Variants in LRMDA observed in about 807,000 individuals in gnomAD.
LRMDA encodes the protein leucine rich melanocyte differentiation associated.
A neutral mutation model predicts 29.8 loss-of-function variants in LRMDA; 18 were observed. The observed-to-expected ratio is 0.60, with a 90% CI of 0.42 to 0.90. The LOEUF (loss-of-function observed/expected upper bound fraction) is 0.90. Among genes scored for constraint, LRMDA ranks in the 40% least tolerant of loss-of-function variants. LRMDA has a pLI of 0.00. For synonymous variants in LRMDA, 125 were observed against 109.4 expected (o/e 1.14, Z -0.89); for missense variants, 273 against 273.9 (o/e 1.00, Z 0.02).
intron 2 of LRMDA, among the ~76,000 whole-genome samples, chr10:75,641,289 CTCCTT>C (rs1841449858): frequency 6.6e-6 from 1 of 152,066 alleles, no homozygotes; most frequent in East Asian, 1.9e-4. Flanking sequence ...GCCATCGGTC[CTCCTT>C]TGCTCTACTA....
chr10:76,340,694 A>G (rs910066064), intron 6 of LRMDA, among the ~76,000 whole-genome samples: 2 of 152,034 alleles, frequency 1.3e-5, no homozygotes, highest in Non-Finnish European at 2.9e-5. Flanking sequence ...AAAAATTTCC[A>G]TCAAAGTCTC....
At chr10:76,210,244 T>C (rs1851611697) in intron 5 of LRMDA, among the ~76,000 whole-genome samples, 1 of 152,164 alleles carries the variant, frequency 6.6e-6, no homozygotes, top group African/African-American at 2.4e-5. Flanking sequence ...ATACCATGGT[T>C]TCAAGCCCTG....
intron 5 of LRMDA, among the ~76,000 whole-genome samples, chr10:76,205,429 A>C (rs1433434854): frequency 2.0e-5 from 3 of 152,228 alleles, no homozygotes; most frequent in Admixed American, 2.0e-4. Flanking sequence ...TTAATGGCTT[A>C]AAATGAAAGA....
At chr10:75,620,996 A>G (rs1318178673) in intron 2 of LRMDA, among the ~76,000 whole-genome samples, 1 of 151,774 alleles carries the variant, frequency 6.6e-6, no homozygotes, top group Non-Finnish European at 1.5e-5. Flanking sequence ...CGCCTTCACC[A>G]TTTCCCCCGT....
rs1369638286 is a variant in LRMDA, at chr10:76,061,766, T to C, written c.516+2983T>C. The stretch of plus-strand genomic sequence containing the variant: ...TGGGCTTCCAGTTAAGTGTTCAATT[T>C]ATGCCATGATTCTTCAAGTGCCCAG... On this transcript the variant is annotated intron_variant, in intron 5 of 6. Coordinates refer to ENST00000611255, the MANE Select transcript of LRMDA (RefSeq NM_001305581.2). 3.9e-5 allele frequency among the ~76,000 whole-genome samples: 6 copies of C among 152,284 alleles called. No individual in the cohort carries two copies. The South Asian group carries it at 1.2e-3, about 32-fold the overall frequency.
In LRMDA at chr10:76,258,741, C is replaced by T. The variant is rs116712249; in HGVS notation, c.517-65660C>T. Among the ~76,000 whole-genome samples the T allele has an allele frequency of 2.0e-3, 300 of 152,174 alleles. 3 individuals are homozygous for T. The highest frequency in any genetic ancestry group is 6.7e-3 in the African/African-American group (279 of 41,544). ...AGTTAGTTCTGTTCCTGACTTATTT[C>T]GCTTAACATAATATCCTCCAGTTTT... On this transcript the variant is annotated intron_variant, in intron 5 of 6. Coordinates refer to ENST00000611255, the MANE Select transcript of LRMDA (RefSeq NM_001305581.2).
intron 6 of LRMDA, among the ~76,000 whole-genome samples, chr10:76,421,944 C>T (rs1842075776): frequency 6.6e-6 from 1 of 152,096 alleles, no homozygotes; most frequent in Admixed American, 6.5e-5. Flanking sequence ...TATTTTGTTT[C>T]TGGGAGGAAG....
chr10:76,364,596 G>A (rs1841366683), intron 6 of LRMDA, among the ~76,000 whole-genome samples: 4 of 151,988 alleles, frequency 2.6e-5, no homozygotes, highest in Admixed American at 2.6e-4. Context: ...GGAGGGGCAT[G>A]GGAAGAGGGA....
Position 75,785,421 on chromosome 10 carries a change from C to T in LRMDA, c.132-250587C>T, listed in dbSNP as rs190394908. Reference sequence around the variant, plus strand: ...ATGTAAGACCACACCGAACACTGAGCATGGTCACCAGGCTGCTTTTGAGAA... The same window carrying T: ...ATGTAAGACCACACCGAACACTGAGTATGGTCACCAGGCTGCTTTTGAGAA... On this transcript the variant is annotated intron_variant, in intron 2 of 6. Coordinates refer to ENST00000611255, the MANE Select transcript of LRMDA (RefSeq NM_001305581.2). Among the ~76,000 whole-genome samples the T allele has an allele frequency of 3.5e-3, 538 of 152,280 alleles. 5 individuals carry two copies. Among genetic ancestry groups the T allele is most frequent in the African/African-American group, 0.012 (504 of 41,550 alleles).
intron 2 of LRMDA, among the ~76,000 whole-genome samples, chr10:75,804,118 C>T (rs1843806692): frequency 6.6e-6 from 1 of 152,200 alleles, no homozygotes; most frequent in Non-Finnish European, 1.5e-5. Flanking sequence ...TTTTATTCCT[C>T]CCCAAGGAGG....
chr10:76,309,404 G>A (rs548670073), intron 5 of LRMDA, among the ~76,000 whole-genome samples: 12 of 152,244 alleles, frequency 7.9e-5, no homozygotes, highest in African/African-American at 1.7e-4. Flanking sequence ...GCAGGATTAC[G>A]AGGAGGGCTT....
intron 2 of LRMDA, among the ~76,000 whole-genome samples, chr10:75,995,989 T>G (rs1847454663): frequency 6.6e-6 from 1 of 152,230 alleles, no homozygotes; most frequent in South Asian, 2.1e-4. Flanking sequence ...TCAATGAATG[T>G]GCTTTGCCTG....
intron 6 of LRMDA, among the ~76,000 whole-genome samples, chr10:76,333,206 G>A (rs779975495): frequency 6.6e-6 from 1 of 152,212 alleles, no homozygotes; most frequent in Non-Finnish European, 1.5e-5. Flanking sequence ...CAGAAATAAG[G>A]TTCCTTATGT....
chr10:75,853,579 A>G (rs1425926340), intron 2 of LRMDA, among the ~76,000 whole-genome samples: 1 of 152,156 alleles, frequency 6.6e-6, no homozygotes, highest in East Asian at 1.9e-4. Flanking sequence ...TTGCTGCTAA[A>G]TCATTTGTGC....
intron 5 of LRMDA, among the ~76,000 whole-genome samples, chr10:76,094,541 A>C (rs957356175): frequency 1.2e-4 from 19 of 152,066 alleles, no homozygotes; most frequent in Admixed American, 1.2e-3. Context: ...ATTATTTTTA[A>C]TTTTGAAAAT....
intron 2 of LRMDA, among the ~76,000 whole-genome samples, chr10:75,965,005 A>G (rs972644559): frequency 6.6e-6 from 1 of 152,152 alleles, no homozygotes; most frequent in African/African-American, 2.4e-5. Flanking sequence ...ATCTCAAGTG[A>G]TCCACTCAAC....
At chr10:76,465,960 C>A (rs1842560973) in intron 6 of LRMDA, among the ~76,000 whole-genome samples, 1 of 152,170 alleles carries the variant, frequency 6.6e-6, no homozygotes, top group South Asian at 2.1e-4. Context: ...CTCATTTTAA[C>A]TTAATTCTTT....
chr10:76,540,200 A>T (rs1189130089), intron 6 of LRMDA, among the ~76,000 whole-genome samples: 1 of 150,564 alleles, frequency 6.6e-6, no homozygotes, highest in East Asian at 1.9e-4. Context: ...GCCTGCACAC[A>T]TGTGCACATG....
intron 2 of LRMDA, among the ~76,000 whole-genome samples, chr10:75,725,365 G>A (rs1009381166): frequency 4.6e-5 from 7 of 152,206 alleles, no homozygotes; most frequent in Non-Finnish European, 7.3e-5. Flanking sequence ...GTGGCCTGAG[G>A]GGCCGAGCCC....
Sources: gnomAD v4.1 joint callset for allele counts (sites outside exome capture counted in the v4.1 genomes callset) on GRCh38, gnomAD v4.1.1 for gene constraint, MANE v1.5 for transcripts, NCBI Gene and HGNC (gene_info 2026-07-23, HGNC 2026-07-21) for gene names.